Variants in ELP4 observed in about 807,000 individuals in gnomAD.
ELP4 encodes elongator complex protein 4.
ELP4 carries 51 observed loss-of-function variants against 48.9 expected under a neutral mutation model. The ratio of observed to expected loss-of-function variants is 1.04; its 90% CI spans 0.83 to 1.32. The LOEUF (loss-of-function observed/expected upper bound fraction) is 1.32. ELP4 is among the 40% of genes most tolerant of loss of function. The pLI, the probability that ELP4 is intolerant of heterozygous loss-of-function variation, is 0.00. For synonymous variants in ELP4, 210 were observed against 189.2 expected, an observed-to-expected ratio of 1.11 and a Z score of -0.90; for missense variants, 519 against 514.6, an observed-to-expected ratio of 1.01 and a Z score of -0.08.
At chr11:31,696,633 A>G (rs375415641) in intron 9 of ELP4, among the ~76,000 whole-genome samples, 3 of 152,050 alleles carry the variant, frequency 2.0e-5, no homozygotes, top group African/African-American at 7.2e-5. Flanking sequence ...GCTGAGAAGA[A>G]TCTGCCCTAC....
chr11:31,749,146 C>T (rs187729746), intron 9 of ELP4, among the ~76,000 whole-genome samples: 133 of 152,122 alleles, frequency 8.7e-4, no homozygotes, highest in African/African-American at 3.1e-3. Flanking sequence ...AAGCCATAGA[C>T]GATGTAGAGA....
intron 9 of ELP4, among the ~76,000 whole-genome samples, chr11:31,665,352 C>T (rs199788197): frequency 3.3e-5 from 5 of 152,026 alleles, no homozygotes; most frequent in African/African-American, 7.2e-5. Flanking sequence ...CTCTCCCTCT[C>T]GCTCTCTCTC....
intron 9 of ELP4, among the ~76,000 whole-genome samples, chr11:31,769,229 T>C (rs1948093181): frequency 6.6e-6 from 1 of 152,136 alleles, no homozygotes; most frequent in South Asian, 2.1e-4. Context: ...CACCGAGCAC[T>C]TCATACCCCA....
intron 9 of ELP4, among the ~76,000 whole-genome samples, chr11:31,669,091 ATTTTAT>A (rs1245418546): frequency 1.1e-5 from 1 of 93,920 alleles, no homozygotes; most frequent in African/African-American, 3.2e-5. Context: ...TTTTTATTTT[ATTTTAT>A]TTTTATTTTT....
chr11:31,789,762 T>C lies in ELP4; in HGVS notation c.*6238T>C. 1 of 720,748 alleles carries C rather than the reference T, an allele frequency of 1.4e-6. No homozygotes were observed. The allele number at this position is 720,748 out of a possible 1,614,324, so 44.6% of individuals were successfully genotyped here. On this transcript the variant is annotated 3_prime_UTR_variant, in exon 10 of 10. Transcript: ENST00000640961. Reference sequence around the variant, plus strand: ...TCGTGCCTTCTGTATACAAAGGTCCTTGTTTCAAGTCCATTCCTTCCCCAG... The same window carrying C: ...TCGTGCCTTCTGTATACAAAGGTCCCTGTTTCAAGTCCATTCCTTCCCCAG...
At chr11:31,705,959 C>G (rs1414452476) in intron 9 of ELP4, among the ~76,000 whole-genome samples, 3 of 152,032 alleles carry the variant, frequency 2.0e-5, no homozygotes, top group Non-Finnish European at 2.9e-5. Flanking sequence ...CTCAAGTGAT[C>G]CTCCTGCCTC....
chr11:31,655,866 A>G (rs981520044), intron 9 of ELP4, among the ~76,000 whole-genome samples: 1 of 152,000 alleles, frequency 6.6e-6, no homozygotes, highest in Non-Finnish European at 1.5e-5. Context: ...CTTCCAAAGT[A>G]ATAGTACTGT....
At chr11:31,712,988 A>C (rs977097500) in intron 9 of ELP4, among the ~76,000 whole-genome samples, 1 of 152,032 alleles carries the variant, frequency 6.6e-6, no homozygotes, top group Non-Finnish European at 1.5e-5. Flanking sequence ...TTCTCTCTTC[A>C]TGTTCCCTTT....
At chr11:31,573,631 A>C (rs1469736163) in intron 3 of ELP4, 1 of 152,128 alleles carries the variant, frequency 6.6e-6, no homozygotes, top group Non-Finnish European at 1.5e-5. Context: ...TAAGGTAATT[A>C]ATTAATATAA....
chr11:31,708,288 G>A (rs1463161147), intron 9 of ELP4, among the ~76,000 whole-genome samples: 1 of 152,026 alleles, frequency 6.6e-6, no homozygotes, highest in Non-Finnish European at 1.5e-5. Flanking sequence ...ATCAGAGTTC[G>A]ATTTCATCTC....
At chr11:31,544,332 C>T (rs897235617) in intron 3 of ELP4, among the ~76,000 whole-genome samples, 24 of 152,204 alleles carry the variant, frequency 1.6e-4, no homozygotes, top group South Asian at 4.1e-4. Flanking sequence ...TAAAAAACGG[C>T]GCATCAGGAG....
At chr11:31,544,048 G>A (rs1692799404) in intron 3 of ELP4, among the ~76,000 whole-genome samples, 1 of 152,234 alleles carries the variant, frequency 6.6e-6, no homozygotes, top group South Asian at 2.1e-4. Context: ...AACAGCTCCG[G>A]TCTACAGCTC....
At chr11:31,670,891 A>G (rs1419208928) in intron 9 of ELP4, among the ~76,000 whole-genome samples, 1 of 151,822 alleles carries the variant, frequency 6.6e-6, no homozygotes, top group Non-Finnish European at 1.5e-5. Flanking sequence ...CCTACTTTTT[A>G]TTTACTGTTA....
chr11:31,623,390 T>TATATATATATATATATATATATATAA (rs67986763), intron 5 of ELP4, among the ~76,000 whole-genome samples: 5 of 92,578 alleles, frequency 5.4e-5, no homozygotes, highest in Admixed American at 1.2e-4. Context: ...TATATATATA[T>TATATATATATATATATATATATATAA]AAAACTAGAA....
intron 2 of ELP4, among the ~76,000 whole-genome samples, chr11:31,537,245 G>T (rs1165108548): frequency 6.6e-6 from 1 of 152,024 alleles, no homozygotes; most frequent in Non-Finnish European, 1.5e-5. Context: ...GTTTAAATAT[G>T]GATATTCAGT....
At chr11:31,519,538 CGGGCCT>C (rs1565032668) in intron 1 of ELP4, among the ~76,000 whole-genome samples, 1 of 152,032 alleles carries the variant, frequency 6.6e-6, no homozygotes, top group African/African-American at 2.4e-5. Flanking sequence ...AATTTTAGGC[CGGGCCT>C]GGTGGCTCAC....
intron 9 of ELP4, among the ~76,000 whole-genome samples, chr11:31,719,206 C>T (rs1164334943): frequency 6.6e-6 from 1 of 150,554 alleles, no homozygotes; most frequent in East Asian, 1.9e-4. Context: ...TGCAGTGAGG[C>T]ATGTTGCACC....
intron 9 of ELP4, among the ~76,000 whole-genome samples, chr11:31,655,815 C>T (rs1419029649): frequency 6.6e-6 from 1 of 151,918 alleles, no homozygotes; most frequent in Non-Finnish European, 1.5e-5. Flanking sequence ...TTTTTAACTT[C>T]CTATATAAAT....
chr11:31,779,332 C>A (rs1948318231), intron 9 of ELP4, among the ~76,000 whole-genome samples: 1 of 152,158 alleles, frequency 6.6e-6, no homozygotes, highest in South Asian at 2.1e-4. Flanking sequence ...AATCGAGATT[C>A]ATTATCTTGC....
Sources: gnomAD v4.1 joint callset for allele counts (sites outside exome capture counted in the v4.1 genomes callset) on GRCh38, gnomAD v4.1.1 for gene constraint, MANE v1.5 for transcripts, NCBI Gene and HGNC (gene_info 2026-07-23, HGNC 2026-07-21) for gene names.